NRG3: variants seen among roughly 807,000 people sequenced by gnomAD.
NRG3 encodes the protein neuregulin 3.
NRG3 carries 31 observed loss-of-function variants against 66.9 expected under a neutral mutation model. The ratio of observed to expected loss-of-function variants is 0.46; its 90% CI spans 0.35 to 0.63. NRG3 has a LOEUF of 0.63. NRG3 is among the 20% of genes least tolerant of loss of function. The pLI, the probability that NRG3 is intolerant of heterozygous loss-of-function variation, is 0.00. For synonymous variants in NRG3, 393 were observed against 359.4 expected (o/e 1.09, Z -1.06); for missense variants, 910 against 878.9 (o/e 1.04, Z -0.45).
At chr10:82,947,670 A>C (rs1347766141) in intron 4 of NRG3, among the ~76,000 whole-genome samples, 1 of 152,146 alleles carries the variant, frequency 6.6e-6, no homozygotes. Context: ...GCAATTTAAT[A>C]ATAATGAACA....
intron 1 of NRG3, among the ~76,000 whole-genome samples, chr10:82,061,463 C>T (rs1454414152): frequency 6.6e-6 from 1 of 152,174 alleles, no homozygotes; most frequent in Admixed American, 6.5e-5. Flanking sequence ...ATTCTCAGGT[C>T]TGCAGAATTT....
intron 2 of NRG3, among the ~76,000 whole-genome samples, chr10:82,678,310 G>A (rs1297037422): frequency 3.3e-5 from 5 of 152,208 alleles, no homozygotes; most frequent in Middle Eastern, 6.8e-3. Flanking sequence ...GATAGGGGTG[G>A]GACCGTTTTA....
chr10:82,363,471 T>G (rs1047023286), intron 2 of NRG3, among the ~76,000 whole-genome samples: 2 of 146,186 alleles, frequency 1.4e-5, no homozygotes, highest in African/African-American at 2.5e-5. Context: ...TTGTTTGTTT[T>G]TTGAGACGGA....
At position 82,959,025 on chromosome 10, in the gene NRG3, A is replaced by G. The variant is rs749234947; in HGVS notation, c.1234A>G (p.Thr412Ala). ...AAGCTACAGTCTCAAAGCATCCAGC[A>G]CAATGGCAAAGTCAGAGAACTTGGT... ...GKSYSLKASS[T>A]MAKSENLVKS... The change falls in exon 6 of 9, where the codon ACA becomes GCA. Residue 412 changes from threonine (T) to alanine (A), a missense_variant. Physicochemically the swap from Thr to Ala is moderately conservative, Grantham distance 58 (BLOSUM62 0). Transcript: ENST00000372141. 1.1e-5 allele frequency: 17 copies of G among 1,608,070 alleles called. No individual in the cohort carries two copies. The South Asian group carries it at 1.9e-4, about 18-fold the overall frequency.
At chr10:82,377,494 G>A (rs903570982) in intron 2 of NRG3, among the ~76,000 whole-genome samples, 7 of 151,974 alleles carry the variant, frequency 4.6e-5, no homozygotes, top group African/African-American at 9.7e-5. Flanking sequence ...CAGCCTGCCC[G>A]ACAAGGGATA....
At chr10:81,964,053 A>G (rs1037378472) in intron 1 of NRG3, among the ~76,000 whole-genome samples, 1 of 152,202 alleles carries the variant, frequency 6.6e-6, no homozygotes, top group African/African-American at 2.4e-5. Context: ...ATAAGTGTTC[A>G]CATTAATCTG....
intron 1 of NRG3, among the ~76,000 whole-genome samples, chr10:81,918,239 A>G (rs1256769386): frequency 6.6e-6 from 1 of 152,200 alleles, no homozygotes; most frequent in Non-Finnish European, 1.5e-5. Context: ...GAAAGGATTT[A>G]AGCTGGCTCA....
chr10:82,518,033 G>A (rs550342425), intron 2 of NRG3, among the ~76,000 whole-genome samples: 1 of 152,194 alleles, frequency 6.6e-6, no homozygotes, highest in African/African-American at 2.4e-5. Flanking sequence ...AAAGTGGAGG[G>A]TAGCTCTGGG....
intron 4 of NRG3, among the ~76,000 whole-genome samples, chr10:82,871,809 A>T (rs73309509): frequency 3.3e-5 from 5 of 152,036 alleles, no homozygotes; most frequent in Non-Finnish European, 7.4e-5. Context: ...TTATAGGAAT[A>T]TTTTTAATTT....
At chr10:82,070,704 T>A (rs929546905) in intron 1 of NRG3, among the ~76,000 whole-genome samples, 1 of 152,066 alleles carries the variant, frequency 6.6e-6, no homozygotes, top group Non-Finnish European at 1.5e-5. Flanking sequence ...ACTAGGCAGG[T>A]CACAAAAGAA....
intron 2 of NRG3, among the ~76,000 whole-genome samples, chr10:82,716,117 G>A (rs978460657): frequency 2.0e-5 from 3 of 151,926 alleles, no homozygotes. Context: ...AGATTATTTT[G>A]ATATAAATGC....
At chr10:82,202,511 G>A (rs750412273) in intron 1 of NRG3, among the ~76,000 whole-genome samples, 5 of 152,034 alleles carry the variant, frequency 3.3e-5, no homozygotes, top group Non-Finnish European at 5.9e-5. Context: ...TACCTCCTTC[G>A]GTCAATGAAT....
intron 1 of NRG3, among the ~76,000 whole-genome samples, chr10:82,116,222 A>T (rs1343365042): frequency 6.6e-6 from 1 of 151,286 alleles, no homozygotes; most frequent in Non-Finnish European, 1.5e-5. Flanking sequence ...TTTGTCCCTT[A>T]TACTTTGATA....
chr10:82,163,452 C>G (rs909244572), intron 1 of NRG3, among the ~76,000 whole-genome samples: 2 of 152,252 alleles, frequency 1.3e-5, no homozygotes, highest in African/African-American at 4.8e-5. Flanking sequence ...CAGATACCAA[C>G]TACAATATTG....
chr10:82,857,320 T>G (rs1195902177), intron 3 of NRG3, among the ~76,000 whole-genome samples: 4 of 152,132 alleles, frequency 2.6e-5, no homozygotes, highest in East Asian at 3.8e-4. Flanking sequence ...AGTGGAGTTT[T>G]GGGGAAGAAA....
At chr10:81,970,474 G>A (rs1367830331) in intron 1 of NRG3, among the ~76,000 whole-genome samples, 1 of 152,038 alleles carries the variant, frequency 6.6e-6, no homozygotes, top group Non-Finnish European at 1.5e-5. Flanking sequence ...ATTTTACAAT[G>A]GCAAAAAGGT....
At chr10:82,365,536 G>T (rs2084464996) in intron 2 of NRG3, among the ~76,000 whole-genome samples, 2 of 152,182 alleles carry the variant, frequency 1.3e-5, no homozygotes, top group African/African-American at 4.8e-5. Flanking sequence ...GACATAGCTT[G>T]TCATGATAGT....
intron 2 of NRG3, among the ~76,000 whole-genome samples, chr10:82,638,738 G>A (rs1052897842): frequency 5.9e-5 from 9 of 151,574 alleles, no homozygotes; most frequent in Non-Finnish European, 8.8e-5. Flanking sequence ...CTTCCACCTC[G>A]CAGGTTCAAG....
At chr10:82,982,796 A>T (rs1853062092) in intron 8 of NRG3, among the ~76,000 whole-genome samples, 1 of 152,188 alleles carries the variant, frequency 6.6e-6, no homozygotes. Flanking sequence ...CAGTTAGGAA[A>T]GTTCTCATTG....
Sources: allele counts gnomAD v4.1 joint callset (sites outside exome capture counted in the v4.1 genomes callset), GRCh38; gene constraint gnomAD v4.1.1; transcripts MANE v1.5; gene names NCBI Gene and HGNC (gene_info 2026-07-23, HGNC 2026-07-21).